The following RAB5B variants were observed in gnomAD, a reference collection of about 807,000 sequenced individuals.
RAB5B encodes the protein RAB5B, member RAS oncogene family, also known as ras-related protein Rab-5B.
Under a neutral mutation model 28.6 loss-of-function variants are expected in RAB5B, and 11 were observed. The ratio of observed to expected loss-of-function variants is 0.38; its 90% confidence interval spans 0.24 to 0.64. The LOEUF (loss-of-function observed/expected upper bound fraction) is 0.64. Among genes scored for constraint, RAB5B ranks in the 30% least tolerant of loss-of-function variants. The pLI is 0.53. For missense variants in RAB5B, 169 were observed against 265.6 expected, an observed-to-expected ratio of 0.64 and a Z score of 2.53; for synonymous variants, 93 against 97.9, an observed-to-expected ratio of 0.95 and a Z score of 0.29.
chr12:55,987,065 C>T lies in RAB5B; in HGVS notation c.105C>T (p.Ser35=). ...LLGESAVGKS[S]LVLRFVKGQF... ...GAGAATCTGCAGTGGGAAAGTCAAG[C>T]CTGGTATTACGTTTTGTCAAAGGGC... The change falls in exon 2 of 6, where the codon AGC becomes AGT. Residue 35 remains serine (S), a synonymous_variant. Transcript: ENST00000360299. 1 of 1,614,048 alleles carries T rather than the reference C, an allele frequency of 6.2e-7. No homozygotes were observed. The highest frequency in any genetic ancestry group is 8.5e-7 in the Non-Finnish European group (1 of 1,179,976).
intron 1 of RAB5B, among the ~76,000 whole-genome samples, chr12:55,980,053 C>A (rs1319148646): frequency 6.6e-6 from 1 of 151,962 alleles, no homozygotes; most frequent in African/African-American, 2.4e-5. Context: ...AGTGTAGTGC[C>A]GAGCTAGCCC....
intron 1 of RAB5B, among the ~76,000 whole-genome samples, chr12:55,983,788 G>A (rs1236929429): frequency 1.3e-5 from 2 of 151,312 alleles, no homozygotes; most frequent in Non-Finnish European, 2.9e-5. Context: ...CTCTGGAGTA[G>A]CTGGGATTAC....
intron 1 of RAB5B, among the ~76,000 whole-genome samples, chr12:55,984,131 G>A (rs1379945948): frequency 6.6e-6 from 1 of 150,490 alleles, no homozygotes; most frequent in Non-Finnish European, 1.5e-5. Flanking sequence ...AAGCAGTTCT[G>A]CCTCAGCCTC....
At chr12:55,975,125 C>T (rs1160099887) in intron 1 of RAB5B, among the ~76,000 whole-genome samples, 3 of 152,104 alleles carry the variant, frequency 2.0e-5, no homozygotes, top group African/African-American at 7.2e-5. Flanking sequence ...ACCATGTCTC[C>T]TAGAACTGAG....
chr12:55,975,247 G>C (rs1346748529), intron 1 of RAB5B, among the ~76,000 whole-genome samples: 1 of 152,202 alleles, frequency 6.6e-6, no homozygotes, highest in East Asian at 1.9e-4. Flanking sequence ...ACTTAGACTT[G>C]ACTTGGGTAT....
chr12:55,986,452 G>C (rs907989065), intron 1 of RAB5B, among the ~76,000 whole-genome samples: 1 of 151,946 alleles, frequency 6.6e-6, no homozygotes, highest in African/African-American at 2.4e-5. Flanking sequence ...CAAAAAAAAA[G>C]AAGAAAAGGA....
chr12:55,974,348 G>T (rs1889584096), intron 1 of RAB5B, among the ~76,000 whole-genome samples: 1 of 152,220 alleles, frequency 6.6e-6, no homozygotes, highest in African/African-American at 2.4e-5. Flanking sequence ...TGGTGAGTCG[G>T]GAAGGCGGCT....
intron 5 of RAB5B, 68 bp from the exon 6 acceptor site, chr12:55,992,029 C>A: frequency 1.7e-6 from 2 of 1,180,604 alleles, no homozygotes; most frequent in Non-Finnish European, 2.5e-6. Flanking sequence ...CCGTTTTTGG[C>A]GGGTGGAGGC....
intron 1 of RAB5B, among the ~76,000 whole-genome samples, chr12:55,974,576 A>G (rs762839700): frequency 3.9e-5 from 6 of 152,204 alleles, no homozygotes; most frequent in Non-Finnish European, 5.9e-5. Flanking sequence ...AGAGAGGTTC[A>G]TTGGAAGGGC....
chr12:55,986,826 C>T lies in RAB5B; in HGVS notation c.-92-43C>T, dbSNP rs527330736. The T allele has an allele frequency of 1.6e-4, 111 of 704,042 alleles. 1 individual carries two copies. The highest frequency in any genetic ancestry group is 2.5e-4 in the Non-Finnish European group (101 of 404,850). The allele number at this position is 704,042 out of a possible 1,614,324, so 43.6% of individuals were successfully genotyped here. ...CTTCTCTGAAAAGCGATTGCAGCTT[C>T]AATGGACGTATGTTTAATTTTATTC... On this transcript the variant is annotated intron_variant, in intron 1 of 5. Coordinates refer to ENST00000360299, the MANE Select transcript of RAB5B (RefSeq NM_002868.4).
In RAB5B at chr12:55,994,385, T is replaced by A. The variant is rs1434479954; in HGVS notation, c.*2173T>A. On this transcript the variant is annotated 3_prime_UTR_variant, in exon 6 of 6. Coordinates refer to ENST00000360299, the MANE Select transcript of RAB5B (RefSeq NM_002868.4). ...GAAACCACTTCCCCAGGCTTCTCCCTCCCCCCACCCCCATAGGAACAGGAT... is the reference window on the plus strand; with the variant it reads ...GAAACCACTTCCCCAGGCTTCTCCCACCCCCCACCCCCATAGGAACAGGAT... 2.0e-4 allele frequency: 20 copies of A among 98,218 alleles called. No homozygotes were observed. Among genetic ancestry groups the A allele is most frequent in the Admixed American group, 2.0e-3 (17 of 8,516 alleles). 6.1% of individuals were successfully genotyped at this position (98,218 alleles called of 1,614,324 possible). A position where few individuals can be genotyped will look rare whatever the true frequency, so the allele number is the denominator to read the frequency against.
intron 1 of RAB5B, among the ~76,000 whole-genome samples, chr12:55,982,862 T>C (rs956718414): frequency 2.0e-5 from 3 of 152,226 alleles, no homozygotes; most frequent in Non-Finnish European, 2.9e-5. Flanking sequence ...TCCCACATTT[T>C]CCTTTATTGT....
Position 55,976,358 on chromosome 12 carries a change from C to T in RAB5B, c.-93+2219C>T, listed in dbSNP as rs78426996. Among the ~76,000 whole-genome samples, 1,149 of 152,116 alleles carry T rather than the reference C, an allele frequency of 7.6e-3. 8 individuals are homozygous for T. The highest frequency in any genetic ancestry group is 0.027 in the Middle Eastern group (8 of 294). On this transcript the variant is annotated intron_variant, in intron 1 of 5. Coordinates refer to ENST00000360299, the MANE Select transcript of RAB5B (RefSeq NM_002868.4). ...AGTTCATTTTGTCTTCTACCAAGTC[C>T]GACAAGCAGAGGGCTGTACTGTGTG...
chr12:55,986,204 T>C (rs1186927681), intron 1 of RAB5B, among the ~76,000 whole-genome samples: 2 of 152,302 alleles, frequency 1.3e-5, no homozygotes, highest in East Asian at 3.9e-4. Context: ...ATCAGCACTT[T>C]GGAAGGCCAA....
At chr12:55,982,144 C>G (rs1172130945) in intron 1 of RAB5B, among the ~76,000 whole-genome samples, 1 of 151,248 alleles carries the variant, frequency 6.6e-6, no homozygotes, top group African/African-American at 2.4e-5. Flanking sequence ...TTCTTCTCTT[C>G]TGAGCTAAAA....
In RAB5B at chr12:55,993,793, C is replaced by G. The variant is rs1232753582; in HGVS notation, c.*1581C>G. The G allele has an allele frequency of 3.3e-5, 5 of 152,728 alleles. No homozygotes were observed. The highest frequency in any genetic ancestry group is 3.4e-3 in the Middle Eastern group (1 of 294). The allele number at this position is 152,728 out of a possible 1,614,324, so 9.5% of individuals were successfully genotyped here. A position where few individuals can be genotyped will look rare whatever the true frequency, so the allele number is the denominator to read the frequency against. On this transcript the variant is annotated 3_prime_UTR_variant, in exon 6 of 6. Transcript: ENST00000360299. ...CTGTGGTGCCCTCGTATCATACCAC[C>G]TGTTCCTGTGGAGAGGGAATGACCG...
chr12:55,982,098 G>A (rs116007554), intron 1 of RAB5B, among the ~76,000 whole-genome samples: 11,240 of 151,942 alleles, frequency 0.074, 1,392 homozygotes, highest in African/African-American at 0.26. Flanking sequence ...CACTGCACCC[G>A]GCAGAGCTGC....
chr12:55,988,485 C>T (rs1030894535), intron 2 of RAB5B, among the ~76,000 whole-genome samples: 1 of 152,034 alleles, frequency 6.6e-6, no homozygotes, highest in Non-Finnish European at 1.5e-5. Flanking sequence ...CCAAATTATT[C>T]CTTCCCCTTG....
intron 1 of RAB5B, among the ~76,000 whole-genome samples, chr12:55,979,906 A>C (rs533199654): frequency 6.6e-6 from 1 of 152,348 alleles, no homozygotes; most frequent in East Asian, 1.9e-4. Flanking sequence ...ACTGCTTAGC[A>C]GTTGGCTGTA....
Sources: gnomAD v4.1 joint callset for allele counts (sites outside exome capture counted in the v4.1 genomes callset) on GRCh38, gnomAD v4.1.1 for gene constraint, MANE v1.5 for transcripts, NCBI Gene and HGNC (gene_info 2026-07-23, HGNC 2026-07-21) for gene names.